The following ADGRV1 variants were observed in gnomAD, a reference collection of about 807,000 sequenced individuals.
The protein encoded by ADGRV1 is G-protein coupled receptor 98.
A neutral mutation model predicts 596.2 loss-of-function variants in ADGRV1; 359 were observed. The ratio of observed to expected loss-of-function variants is 0.60; its 90% CI spans 0.55 to 0.66. The LOEUF is 0.66. ADGRV1 is among the 30% of genes least tolerant of loss of function. The probability of loss-of-function intolerance (pLI) is 0.00; values close to 1 mark genes in which losing one functional copy is unlikely to be tolerated. For missense variants in ADGRV1, 7,274 were observed against 7,575.6 expected (o/e 0.96, Z 1.48); for synonymous variants, 2,681 against 2,679.2 (o/e 1.00, Z -0.02).
chr5:90,599,780 G>A (rs1311578775), intron 1 of ADGRV1, among the ~76,000 whole-genome samples: 2 of 152,108 alleles, frequency 1.3e-5, no homozygotes, highest in Admixed American at 6.5e-5. Context: ...AAATAATACT[G>A]TAAAGTCATT....
At chr5:90,929,841 T>C (rs1775048283) in intron 83 of ADGRV1, among the ~76,000 whole-genome samples, 1 of 152,242 alleles carries the variant, frequency 6.6e-6, no homozygotes, top group Non-Finnish European at 1.5e-5. Context: ...TATGTAGATA[T>C]GTTTCTTTTT....
chr5:90,989,085 G>C (rs1581722295), intron 85 of ADGRV1, among the ~76,000 whole-genome samples: 1 of 152,030 alleles, frequency 6.6e-6, no homozygotes, highest in African/African-American at 2.4e-5. Flanking sequence ...ATTGTGAATA[G>C]TGCCACAGTA....
At chr5:90,807,052 C>T (rs1761972179) in intron 72 of ADGRV1, among the ~76,000 whole-genome samples, 1 of 151,954 alleles carries the variant, frequency 6.6e-6, no homozygotes, top group African/African-American at 2.4e-5. Context: ...GGGGTTTCAC[C>T]ATGTTGGCCA....
chr5:91,107,924 T>C (rs1231078524), intron 87 of ADGRV1, among the ~76,000 whole-genome samples: 1 of 152,148 alleles, frequency 6.6e-6, no homozygotes, highest in Admixed American at 6.5e-5. Flanking sequence ...CTGGTACATA[T>C]AAGAAAAAAT....
At chr5:90,922,312 A>G (rs375026700) in intron 83 of ADGRV1, among the ~76,000 whole-genome samples, 151 of 152,272 alleles carry the variant, frequency 9.9e-4, no homozygotes, top group Middle Eastern at 3.4e-3. Context: ...CCCTTCAGGA[A>G]AATTTTAAGA....
At chr5:90,637,657 AC>A (rs1766393993) in intron 10 of ADGRV1, 67 bp from the exon 11 acceptor site, 2 of 1,144,752 alleles carry the variant, frequency 1.7e-6, no homozygotes, top group Non-Finnish European at 2.4e-6. Context: ...TAATATCAAT[AC>A]CAAAGCTTAT....
At chr5:90,602,165 C>T (rs1761488060) in intron 1 of ADGRV1, among the ~76,000 whole-genome samples, 1 of 152,172 alleles carries the variant, frequency 6.6e-6, no homozygotes, top group African/African-American at 2.4e-5. Context: ...AGATTCCATT[C>T]CCAAATTCTG....
chr5:91,095,298 C>T (rs1447995222), intron 86 of ADGRV1, among the ~76,000 whole-genome samples: 1 of 152,032 alleles, frequency 6.6e-6, no homozygotes, highest in Non-Finnish European at 1.5e-5. Context: ...CTCCCAGGCT[C>T]AAGAGAGCCT....
At chr5:90,903,795 T>G (rs1477554432) in intron 83 of ADGRV1, among the ~76,000 whole-genome samples, 1 of 152,030 alleles carries the variant, frequency 6.6e-6, no homozygotes, top group Non-Finnish European at 1.5e-5. Flanking sequence ...TTTAGTTATT[T>G]TAAAGTATAC....
chr5:90,867,195 G>A (rs767649750), intron 83 of ADGRV1, among the ~76,000 whole-genome samples: 2 of 152,016 alleles, frequency 1.3e-5, no homozygotes, highest in African/African-American at 2.4e-5. Context: ...AAGAACAGAA[G>A]TTTCCTCATA....
intron 83 of ADGRV1, among the ~76,000 whole-genome samples, chr5:90,903,318 G>A (rs1186478717): frequency 1.3e-5 from 2 of 151,940 alleles, no homozygotes; most frequent in East Asian, 3.9e-4. Context: ...TATCATGCCT[G>A]GTTTTAGATG....
At chr5:91,049,998 T>C (rs1189305622) in intron 85 of ADGRV1, among the ~76,000 whole-genome samples, 2 of 152,212 alleles carry the variant, frequency 1.3e-5, no homozygotes, top group Non-Finnish European at 2.9e-5. Flanking sequence ...ACATGAGTCA[T>C]GTGCGGGCCT....
intron 60 of ADGRV1, among the ~76,000 whole-genome samples, chr5:90,775,509 C>T (rs919475726): frequency 5.9e-5 from 9 of 152,192 alleles, no homozygotes; most frequent in Non-Finnish European, 1.0e-4. Context: ...CAGGGTCTTG[C>T]TCTGTCACCC....
At chr5:90,934,447 G>T (rs2150824749) in intron 83 of ADGRV1, among the ~76,000 whole-genome samples, 1 of 152,162 alleles carries the variant, frequency 6.6e-6, no homozygotes, top group Non-Finnish European at 1.5e-5. Flanking sequence ...TGCTTTTCAG[G>T]CCCATCTTGT....
chr5:91,008,534 C>T (rs1337457548), intron 85 of ADGRV1, among the ~76,000 whole-genome samples: 5 of 151,938 alleles, frequency 3.3e-5, no homozygotes, highest in Admixed American at 2.0e-4. Flanking sequence ...GACAGAGTCT[C>T]GCTCTGTCAC....
intron 59 of ADGRV1, 117 bp downstream of exon 59, chr5:90,763,586 A>G: frequency 9.8e-7 from 1 of 1,019,376 alleles, no homozygotes; most frequent in Non-Finnish European, 1.4e-6. Flanking sequence ...GGTATATTGC[A>G]TAATGCTGGG....
chr5:90,651,570 C>A, intron 17 of ADGRV1, 34 bp from the exon 18 acceptor site: 1 of 1,391,614 alleles, frequency 7.2e-7, no homozygotes, highest in Non-Finnish European at 9.7e-7. Flanking sequence ...TTAGCTACTT[C>A]TTTGTTATTT....
intron 85 of ADGRV1, among the ~76,000 whole-genome samples, chr5:91,052,970 G>A (rs2697542): frequency 0.78 from 119,236 of 152,106 alleles, 46,820 homozygotes; most frequent in South Asian, 0.82. Context: ...TTGATTCATT[G>A]CAGGCTAATA....
intron 1 of ADGRV1, among the ~76,000 whole-genome samples, chr5:90,579,905 C>G (rs1316668350): frequency 1.3e-5 from 2 of 152,054 alleles, no homozygotes; most frequent in East Asian, 1.9e-4. Flanking sequence ...GGTTTAAAGT[C>G]TGTTTTATCA....
Sources: gnomAD v4.1 joint callset for allele counts (sites outside exome capture counted in the v4.1 genomes callset) on GRCh38, gnomAD v4.1.1 for gene constraint, MANE v1.5 for transcripts, NCBI Gene and HGNC (gene_info 2026-07-23, HGNC 2026-07-21) for gene names.